SIRT2: variants seen among roughly 807,000 people sequenced by gnomAD.
The protein encoded by SIRT2 is sirtuin 2.
A neutral mutation model predicts 57.4 loss-of-function variants in SIRT2; 40 were observed. The observed-to-expected ratio is 0.70, with a 90% CI of 0.54 to 0.91. The LOEUF (loss-of-function observed/expected upper bound fraction) is 0.91, where lower values mean the gene tolerates loss of function less well. SIRT2 is among the 40% of genes least tolerant of loss of function. The pLI, the probability that SIRT2 is intolerant of heterozygous loss-of-function variation, is 0.00. For missense variants in SIRT2, 439 were observed against 510.4 expected (o/e 0.86, Z 1.35); for synonymous variants, 161 against 195.7 (o/e 0.82, Z 1.48).
intron 4 of SIRT2, among the ~76,000 whole-genome samples, chr19:38,893,012 G>A (rs1973592627): frequency 6.6e-6 from 1 of 152,074 alleles, no homozygotes; most frequent in Admixed American, 6.6e-5. Flanking sequence ...CCCAGGTCTG[G>A]CCAATCAGAG....
intron 11 of SIRT2, 47 bp downstream of exon 11, chr19:38,881,053 G>A (rs1180087522): frequency 6.3e-7 from 1 of 1,595,164 alleles, no homozygotes; most frequent in African/African-American, 1.3e-5. Flanking sequence ...GCCCAGCACA[G>A]GTGGAGGCGG....
At position 38,893,857 on chromosome 19, in the gene SIRT2, G is replaced by A. The variant is rs765827093; in HGVS notation, c.74C>T (p.Ser25Leu). ...ACCAGCGGCTCCTCCCTCAGAGTCT[G>A]AATCTGAGTCCTGGAAGGGGTGGGG... ...GKVQEAQDSDSDSEGGAAGGE... is the reference protein window; with the variant it reads ...GKVQEAQDSDLDSEGGAAGGE... Residue 25 changes from serine (S) to leucine (L), a missense_variant, in exon 3 of 16, where the codon TCA becomes TTA. Physicochemically the swap from Ser to Leu is moderately radical, Grantham distance 145. Coordinates refer to ENST00000249396, the MANE Select transcript of SIRT2 (RefSeq NM_012237.4). 6.2e-7 allele frequency: 1 copy of A among 1,614,094 alleles called. No homozygotes were observed. Among genetic ancestry groups the A allele is most frequent in the East Asian group, 2.2e-5 (1 of 44,876 alleles).
rs767559727 is a variant in SIRT2 at position 38,890,634 on chromosome 19, G to A, written c.227-490C>T. On this transcript the variant is annotated intron_variant, in intron 4 of 15. Coordinates refer to ENST00000249396, the MANE Select transcript of SIRT2 (RefSeq NM_012237.4). ...GAACCCGGGAGGCGGAGGTTGCAGT[G>A]AGCCGAGATCATGCCATTGCACTCT... 53 of 169,990 alleles carry A rather than the reference G, an allele frequency of 3.1e-4. 1 individual carries two copies. Among genetic ancestry groups the A allele is most frequent in the South Asian group, 2.3e-3 (16 of 7,100 alleles). The allele number at this position is 169,990 out of a possible 1,614,324, so 10.5% of individuals were successfully genotyped here. A position where few individuals can be genotyped will look rare whatever the true frequency, so the allele number is the denominator to read the frequency against.
rs1373317669 is a variant in SIRT2, at chr19:38,883,836, G to A, written c.502-80C>T. The stretch of plus-strand genomic sequence containing the variant: ...CAGAAGGCACAGTAGGGAGTTGAGG[G>A]CCACGAGGAGCAGTGAGGTGGTGGG... On this transcript the variant is annotated intron_variant, in intron 8 of 15. Transcript: ENST00000249396. 6.0e-6 allele frequency: 9 copies of A among 1,489,318 alleles called. No individual in the cohort carries two copies. The Admixed American group carries it at 1.6e-4, about 27-fold the overall frequency. 92.3% of individuals were successfully genotyped at this position (1,489,318 alleles called of 1,614,324 possible).
In SIRT2 at chr19:38,880,615, TC is replaced by T; in HGVS notation, c.876+69del. On this transcript the variant is annotated intron_variant, in intron 13 of 15. Transcript: ENST00000249396. The surrounding 1 kb of genome is among the most constrained non-coding windows in gnomAD (Gnocchi z 4.1). ...AGTGCTGGGGTTCCACAGTGGGGGTTCCCTCTGAGGAAAAGGGTGAGAGGGA... is the reference window on the plus strand; with the variant it reads ...AGTGCTGGGGTTCCACAGTGGGGGTTCCTCTGAGGAAAAGGGTGAGAGGGA... 1 of 1,052,356 alleles carries T rather than the reference TC, an allele frequency of 9.5e-7. No individual in the cohort carries two copies. The allele number at this position is 1,052,356 out of a possible 1,614,324, so 65.2% of individuals were successfully genotyped here. A position where few individuals can be genotyped will look rare whatever the true frequency, so the allele number is the denominator to read the frequency against.
intron 14 of SIRT2, 25 bp downstream of exon 14, chr19:38,879,607 G>A (rs1036679053): frequency 1.3e-6 from 2 of 1,561,104 alleles, no homozygotes; most frequent in African/African-American, 1.4e-5. Flanking sequence ...CTTCCAGGCT[G>A]CCCCAACCCC....
chr19:38,889,814 C>A (rs1973467548), intron 6 of SIRT2, 41 bp downstream of exon 6: 2 of 1,613,004 alleles, frequency 1.2e-6, no homozygotes, highest in Non-Finnish European at 1.7e-6. Flanking sequence ...GTGACCCCAT[C>A]CCCACCCCTC....
intron 8 of SIRT2, 49 bp from the exon 9 acceptor site, chr19:38,883,805 G>T (rs1973236448): frequency 1.9e-6 from 3 of 1,603,150 alleles, no homozygotes; most frequent in Non-Finnish European, 8.5e-7. Flanking sequence ...GCCACCCCTT[G>T]TAGGCCAGAA....
At chr19:38,888,730 C>T (rs1973421154) in intron 8 of SIRT2, among the ~76,000 whole-genome samples, 1 of 152,322 alleles carries the variant, frequency 6.6e-6, no homozygotes, top group South Asian at 2.1e-4. Flanking sequence ...CGCTCATAAC[C>T]AATGTGAAAT....
intron 2 of SIRT2, chr19:38,894,193 C>G: frequency 3.0e-6 from 1 of 334,924 alleles, no homozygotes; most frequent in Non-Finnish European, 5.5e-6. Flanking sequence ...ACCTCCCAAG[C>G]TCAAGGGATC....
At chr19:38,889,634 T>C (rs1478314514) in intron 7 of SIRT2, 55 bp downstream of exon 7, 3 of 1,600,594 alleles carry the variant, frequency 1.9e-6, no homozygotes, top group Admixed American at 1.7e-5. Flanking sequence ...GGGCTTCTCA[T>C]GCGTGCCCTC....
chr19:38,888,001 AC>A (rs1395275436), intron 8 of SIRT2, among the ~76,000 whole-genome samples: 2 of 151,978 alleles, frequency 1.3e-5, no homozygotes, highest in Non-Finnish European at 2.9e-5. Flanking sequence ...TGATCTGCCC[AC>A]CTCGGTGTCC....
intron 8 of SIRT2, among the ~76,000 whole-genome samples, chr19:38,885,216 G>C (rs1157287154): frequency 1.3e-5 from 2 of 152,078 alleles, no homozygotes; most frequent in African/African-American, 4.8e-5. Context: ...CCACTGAGTA[G>C]CTGGGACTAC....
intron 14 of SIRT2, 60 bp downstream of exon 14, chr19:38,879,571 GC>G: frequency 6.4e-7 from 1 of 1,554,064 alleles, no homozygotes; most frequent in South Asian, 1.2e-5. Context: ...CTGCCTTCGT[GC>G]CCCCGCTCCC....
At position 38,879,626 on chromosome 19, in the gene SIRT2, C is replaced by T. The variant is rs200416862; in HGVS notation, c.947+6G>A. 3 of 1,567,710 alleles carry T rather than the reference C, an allele frequency of 1.9e-6. No homozygotes were observed. The African/African-American group carries it at 4.1e-5, about 21-fold the overall frequency. On this transcript the variant is annotated splice_donor_region_variant and intron_variant, in intron 14 of 15. Coordinates refer to ENST00000249396, the MANE Select transcript of SIRT2 (RefSeq NM_012237.4). ...CAGGCTGCCCCAACCCCCGGCGGGG[C>T]CTCACCTGTAGGCCTTCTTGGAGTC...
chr19:38,895,040 C>A (rs967683527), intron 2 of SIRT2, among the ~76,000 whole-genome samples: 8 of 150,862 alleles, frequency 5.3e-5, no homozygotes, highest in East Asian at 4.0e-4. Context: ...ACTGTCCCCC[C>A]CATCAGCCAG....
At chr19:38,890,561 G>A (rs895914909) in intron 4 of SIRT2, 2 of 205,934 alleles carry the variant, frequency 9.7e-6, no homozygotes, top group South Asian at 7.5e-5. Flanking sequence ...GTGGTGGCAC[G>A]TGCCTGTAAT....
chr19:38,882,277 A>T (rs1168888793), intron 9 of SIRT2, among the ~76,000 whole-genome samples: 1 of 151,986 alleles, frequency 6.6e-6, no homozygotes, highest in African/African-American at 2.4e-5. Context: ...GACGTCCAAA[A>T]GTGTTGGGAT....
chr19:38,893,519 G>C lies in SIRT2; in HGVS notation c.121C>G (p.Leu41Val). The C allele has an allele frequency of 6.2e-7, 1 of 1,610,660 alleles. No homozygotes were observed. Among genetic ancestry groups the C allele is most frequent in the East Asian group, 2.2e-5 (1 of 44,852 alleles). The change falls in exon 4 of 16, where the codon CTG (leucine) becomes GTG (valine). Residue 41 changes from leucine to valine, a missense_variant. Physicochemically the swap from Leu to Val is conservative, Grantham distance 32 (BLOSUM62 1). Coordinates refer to ENST00000249396, the MANE Select transcript of SIRT2 (RefSeq NM_012237.4). ...AAGGEADMDFLRNLFSQTLSL... is the reference protein window; with the variant it reads ...AAGGEADMDFVRNLFSQTLSL... ...AGCGTCTGGGAGAATAAGTTCCGCA[G>C]GAAGTCCACTGACCGGAAAGAAGAG... is the stretch of plus-strand genomic sequence containing the variant.
Sources: allele counts gnomAD v4.1 joint callset (sites outside exome capture counted in the v4.1 genomes callset), GRCh38; gene constraint gnomAD v4.1.1; non-coding constraint Gnocchi (gnomAD v3.1); transcripts MANE v1.5; gene names NCBI Gene and HGNC (gene_info 2026-07-23, HGNC 2026-07-21).